Variants in MYO16 observed in about 807,000 individuals in gnomAD.
MYO16 encodes the protein unconventional myosin-XVI.
Under a neutral mutation model 205.3 loss-of-function variants are expected in MYO16, and 94 were observed. The observed-to-expected ratio is 0.46, with a 90% CI of 0.39 to 0.54. The LOEUF is 0.54. Among genes scored for constraint, MYO16 ranks in the 20% least tolerant of loss-of-function variants. The probability of loss-of-function intolerance (pLI) is 0.00; values close to 1 mark genes in which losing one functional copy is unlikely to be tolerated. For synonymous variants in MYO16, 988 were observed against 954.0 expected (o/e 1.04, Z -0.66); for missense variants, 2,315 against 2,387.5 (o/e 0.97, Z 0.63).
intron 9 of MYO16, among the ~76,000 whole-genome samples, chr13:108,838,673 A>AT (rs1301567803): frequency 4.1e-5 from 5 of 121,506 alleles, no homozygotes; most frequent in East Asian, 4.5e-4. Flanking sequence ...CTCAAAAAAA[A>AT]AAAAAATATA....
chr13:109,068,119 G>A (rs1409440228), intron 27 of MYO16, among the ~76,000 whole-genome samples: 3 of 152,044 alleles, frequency 2.0e-5, no homozygotes, highest in Non-Finnish European at 4.4e-5. Flanking sequence ...TTTGAGAGTT[G>A]CAATATACTT....
At chr13:109,132,476 GAAC>G (rs1876586531) in intron 31 of MYO16, among the ~76,000 whole-genome samples, 1 of 151,994 alleles carries the variant, frequency 6.6e-6, no homozygotes, top group Non-Finnish European at 1.5e-5. Flanking sequence ...CTTCATTCTA[GAAC>G]AACATGTGTC....
Position 109,018,548 on chromosome 13 carries a change from G to A in MYO16, c.2596-1163G>A, listed in dbSNP as rs1885909703. ...CTGTCAGACAGGGACGTTTAAGTCT[G>A]CAGAAGTTTCTGCCGCCTTGCAGTT... On this transcript the variant is annotated intron_variant, in intron 22 of 34. Transcript: ENST00000457511. 2.0e-5 allele frequency among the ~76,000 whole-genome samples: 3 copies of A among 152,202 alleles called. No homozygotes were observed. In the South Asian group the frequency reaches 6.2e-4, roughly 32 times the overall value.
In MYO16 at chr13:108,751,061, T is replaced by TCACACACA. The variant is rs35604385; in HGVS notation, c.507+23497_507+23504dup. On this transcript the variant is annotated intron_variant, in intron 4 of 34. Transcript: ENST00000457511. ...TGTATAAATATATATATATGTGTGTTCACACACACACACACACACACACAC... is the reference window on the plus strand; with the variant it reads ...TGTATAAATATATATATATGTGTGTTCACACACACACACACACACACACACACACACAC... Among the ~76,000 whole-genome samples, 853 of 149,938 alleles carry TCACACACA rather than the reference T, an allele frequency of 5.7e-3. 8 individuals are homozygous for TCACACACA. The highest frequency in any genetic ancestry group is 0.015 in the South Asian group (72 of 4,700).
intron 28 of MYO16, among the ~76,000 whole-genome samples, chr13:109,111,762 C>A (rs1038782710): frequency 1.6e-4 from 24 of 151,514 alleles, no homozygotes; most frequent in African/African-American, 5.3e-4. Context: ...TCTCAGCTCA[C>A]TGCAACCTCC....
the MYO16 span, among the ~76,000 whole-genome samples, chr13:108,521,422 A>G: frequency 6.6e-6 from 1 of 152,254 alleles, no homozygotes; most frequent in African/African-American, 2.4e-5. Flanking sequence ...AGAGCAAACA[A>G]TGGAAACTTT....
In MYO16 at chr13:108,631,718, C is replaced by T. The variant is rs147371577; in HGVS notation, c.28+1846C>T. 9.9e-5 allele frequency among the ~76,000 whole-genome samples: 15 copies of T among 152,194 alleles called. No individual in the cohort carries two copies. In the East Asian group the frequency reaches 2.9e-3, roughly 29 times the overall value. Reference sequence around the variant, plus strand: ...TTCAGAAATTATACTGCATTCTGTGCTGAACTAGTGAAGGGTGTTTTATGA... The same window carrying T: ...TTCAGAAATTATACTGCATTCTGTGTTGAACTAGTGAAGGGTGTTTTATGA... On this transcript the variant is annotated intron_variant, in intron 1 of 34. Coordinates refer to ENST00000457511, the MANE Select transcript of MYO16 (RefSeq NM_001198950.3).
chr13:109,140,826 G>A lies in MYO16; in HGVS notation c.4614G>A (p.Val1538=), dbSNP rs772730615. The stretch of plus-strand genomic sequence containing the variant: ...AGTCGCCCCTGACACCCCTGGAGGT[G>A]AAGAAGCTGCCAGTCCTGGAGACCA... ...SDESPLTPLE[V]KKLPVLETNL... is the part of the protein sequence containing the mutation. The change falls in exon 32 of 35, where the codon GTG becomes GTA. Residue 1538 remains valine (V), a synonymous_variant. Transcript: ENST00000457511. This position sits in a 1 kb window ranked among gnomAD's most constrained non-coding sequence, Gnocchi z 8.0. 1 of 1,593,818 alleles carries A rather than the reference G, an allele frequency of 6.3e-7. No homozygotes were observed. The highest frequency in any genetic ancestry group is 1.1e-5 in the South Asian group (1 of 88,824).
At chr13:109,081,044 A>G (rs1251171048) in intron 27 of MYO16, among the ~76,000 whole-genome samples, 1 of 152,140 alleles carries the variant, frequency 6.6e-6, no homozygotes, top group Non-Finnish European at 1.5e-5. Flanking sequence ...GTTATAAGTC[A>G]TATGTAAACA....
intron 4 of MYO16, among the ~76,000 whole-genome samples, chr13:108,766,513 T>C (rs751964293): frequency 2.0e-5 from 3 of 152,140 alleles, no homozygotes; most frequent in Non-Finnish European, 2.9e-5. Context: ...CAGTTCCAAT[T>C]AGTGGCTTAA....
intron 10 of MYO16, among the ~76,000 whole-genome samples, chr13:108,846,873 T>A (rs2139078650): frequency 6.6e-6 from 1 of 152,310 alleles, no homozygotes; most frequent in South Asian, 2.1e-4. Flanking sequence ...CAAAAACTTT[T>A]GAATGCAATT....
chr13:108,700,353 AGAAGAAG>A (rs1566558191), intron 2 of MYO16, among the ~76,000 whole-genome samples: 74 of 117,244 alleles, frequency 6.3e-4, no homozygotes, highest in African/African-American at 2.4e-3. Context: ...AAAAAAAAGA[AGAAGAAG>A]AAGAAGAAGA....
the MYO16 span, among the ~76,000 whole-genome samples, chr13:108,504,872 T>C: frequency 1.3e-5 from 2 of 152,218 alleles, no homozygotes; most frequent in Non-Finnish European, 2.9e-5. Context: ...ATGAGTTGAC[T>C]CTTCTAGGTA....
At chr13:108,571,205 C>T in the MYO16 span, among the ~76,000 whole-genome samples, 5 of 150,146 alleles carry the variant, frequency 3.3e-5, no homozygotes, top group Non-Finnish European at 7.4e-5. Context: ...ACTGTGGAAA[C>T]CTAGGAATTG....
At chr13:108,637,581 A>C (rs1566520085) in intron 1 of MYO16, among the ~76,000 whole-genome samples, 1 of 152,366 alleles carries the variant, frequency 6.6e-6, no homozygotes, top group Non-Finnish European at 1.5e-5. Context: ...TAAGGGCTAA[A>C]GATATAAAGA....
chr13:108,553,198 T>C, the MYO16 span, among the ~76,000 whole-genome samples: 1 of 151,686 alleles, frequency 6.6e-6, no homozygotes, highest in African/African-American at 2.4e-5. Flanking sequence ...TTTGGTTAAG[T>C]TCAAGGCTGG....
chr13:108,596,616 C>T (rs1214442051), intron 1 of MYO16, among the ~76,000 whole-genome samples: 1 of 152,142 alleles, frequency 6.6e-6, no homozygotes, highest in Non-Finnish European at 1.5e-5. Context: ...AAGATTGAAG[C>T]TCATAATAGA....
At chr13:109,101,557 G>A (rs1005209523) in intron 28 of MYO16, 2 of 152,178 alleles carry the variant, frequency 1.3e-5, no homozygotes, top group Non-Finnish European at 2.9e-5. Context: ...AACAGGAGAA[G>A]ATGGTTCCAG....
At chr13:108,831,659 T>C (rs685146) in intron 9 of MYO16, among the ~76,000 whole-genome samples, 138,036 of 152,070 alleles carry the variant, frequency 0.91, 63,313 homozygotes, top group East Asian at 1. Context: ...ATTACAGGCA[T>C]CCACCACCAC....
Sources: gnomAD v4.1 joint callset for allele counts (sites outside exome capture counted in the v4.1 genomes callset) on GRCh38, gnomAD v4.1.1 for gene constraint, Gnocchi (gnomAD v3.1) non-coding constraint, MANE v1.5 for transcripts, NCBI Gene and HGNC (gene_info 2026-07-23, HGNC 2026-07-21) for gene names.